MKLN1: variants seen among roughly 807,000 people sequenced by gnomAD.
MKLN1 encodes muskelin 1, also known as muskelin.
In MKLN1, 18 loss-of-function variants were observed where a neutral mutation model predicts 99.0. The observed-to-expected ratio is 0.18, with a 90% CI of 0.13 to 0.27. MKLN1 has a LOEUF of 0.27. MKLN1 is among the 10% of genes least tolerant of loss of function. The probability of loss-of-function intolerance (pLI) is 1.00; values close to 1 mark genes in which losing one functional copy is unlikely to be tolerated. For missense variants in MKLN1, 621 were observed against 875.9 expected (o/e 0.71, Z 3.67); for synonymous variants, 288 against 293.2 (o/e 0.98, Z 0.18).
intron 2 of MKLN1, among the ~76,000 whole-genome samples, chr7:131,202,216 G>GGC (rs1393117350): frequency 8.0e-6 from 1 of 124,272 alleles, no homozygotes; most frequent in Non-Finnish European, 1.6e-5. Context: ...CTGGAGAGCA[G>GGC]TGATGTGATC....
chr7:131,277,287 A>ATT (rs760386545), intron 3 of MKLN1, among the ~76,000 whole-genome samples: 8 of 144,072 alleles, frequency 5.6e-5, no homozygotes, highest in African/African-American at 1.5e-4. Context: ...TCAATTGTGC[A>ATT]TTTTTTTTTT....
chr7:131,253,482 C>T (rs1020014581), intron 3 of MKLN1, among the ~76,000 whole-genome samples: 4 of 152,286 alleles, frequency 2.6e-5, no homozygotes, highest in African/African-American at 9.6e-5. Flanking sequence ...CCCCCAGATA[C>T]AGTAGGTTGA....
chr7:131,475,499 G>A (rs1796938358), intron 16 of MKLN1, among the ~76,000 whole-genome samples: 1 of 152,140 alleles, frequency 6.6e-6, no homozygotes, highest in African/African-American at 2.4e-5. Flanking sequence ...CCTTTTATAA[G>A]CCAGGTTAAC....
intron 3 of MKLN1, among the ~76,000 whole-genome samples, chr7:131,261,214 A>G (rs1483481447): frequency 6.6e-6 from 1 of 152,236 alleles, no homozygotes; most frequent in African/African-American, 2.4e-5. Context: ...GACAACCTAC[A>G]GAATGAGAGA....
intron 1 of MKLN1, among the ~76,000 whole-genome samples, chr7:131,360,847 T>C (rs1800008946): frequency 6.6e-6 from 1 of 152,176 alleles, no homozygotes; most frequent in East Asian, 1.9e-4. Context: ...AACAAATTCC[T>C]TTAGTTTTTG....
intron 1 of MKLN1, among the ~76,000 whole-genome samples, chr7:131,368,597 G>C (rs867659328): frequency 1.3e-5 from 2 of 152,090 alleles, no homozygotes; most frequent in South Asian, 4.1e-4. Flanking sequence ...TAAAACATCA[G>C]ATCTTGTGAG....
At chr7:131,145,199 C>G (rs190166721) in intron 2 of MKLN1, among the ~76,000 whole-genome samples, 1 of 152,236 alleles carries the variant, frequency 6.6e-6, no homozygotes, top group East Asian at 1.9e-4. Flanking sequence ...TCTCCCCACC[C>G]CCAATCCTGA....
intron 3 of MKLN1, among the ~76,000 whole-genome samples, chr7:131,287,814 C>G (rs1798155320): frequency 1.3e-5 from 2 of 151,912 alleles, no homozygotes; most frequent in African/African-American, 4.8e-5. Context: ...GGGGGAGGTT[C>G]CCCCCATGCT....
chr7:131,307,541 G>T (rs1313366623), intron 3 of MKLN1, among the ~76,000 whole-genome samples: 1 of 152,218 alleles, frequency 6.6e-6, no homozygotes, highest in Admixed American at 6.5e-5. Flanking sequence ...AGTTACCTAA[G>T]GCCTTGGGAG....
At chr7:131,197,575 G>A (rs1402121445) in intron 2 of MKLN1, among the ~76,000 whole-genome samples, 2 of 151,710 alleles carry the variant, frequency 1.3e-5, no homozygotes, top group South Asian at 4.2e-4. Context: ...AGATGAACTT[G>A]AGAGGTCTCC....
intron 3 of MKLN1, among the ~76,000 whole-genome samples, chr7:131,247,247 T>TG (rs1196910714): frequency 1.4e-5 from 2 of 142,018 alleles, no homozygotes; most frequent in Non-Finnish European, 3.1e-5. Flanking sequence ...TTTTTTTTTT[T>TG]TTGTCACCAT....
intron 3 of MKLN1, among the ~76,000 whole-genome samples, chr7:131,303,342 G>A (rs1442158667): frequency 2.0e-5 from 3 of 152,244 alleles, no homozygotes; most frequent in African/African-American, 7.2e-5. Context: ...CATACCTGAA[G>A]CCAGCCTCAG....
intron 2 of MKLN1, among the ~76,000 whole-genome samples, chr7:131,174,565 G>A (rs1217526570): frequency 6.6e-6 from 1 of 152,102 alleles, no homozygotes; most frequent in African/African-American, 2.4e-5. Flanking sequence ...CCCGACATGA[G>A]GTGAGGGCAG....
intron 1 of MKLN1, among the ~76,000 whole-genome samples, chr7:131,332,308 A>G (rs1362972637): frequency 3.4e-5 from 5 of 148,690 alleles, no homozygotes; most frequent in Non-Finnish European, 7.4e-5. Flanking sequence ...TTTTTATTAC[A>G]TAAAATATAT....
At chr7:131,406,314 A>T (rs1004547343) in intron 6 of MKLN1, among the ~76,000 whole-genome samples, 1 of 151,802 alleles carries the variant, frequency 6.6e-6, no homozygotes, top group Non-Finnish European at 1.5e-5. Flanking sequence ...TATTTTATTA[A>T]TAAATCATTT....
intron 3 of MKLN1, among the ~76,000 whole-genome samples, chr7:131,313,693 T>C (rs1798611498): frequency 6.6e-6 from 1 of 152,258 alleles, no homozygotes; most frequent in Non-Finnish European, 1.5e-5. Context: ...CACAGGAATC[T>C]ATCATTGGAT....
chr7:131,283,801 T>C (rs1362483417), intron 3 of MKLN1, among the ~76,000 whole-genome samples: 2 of 152,206 alleles, frequency 1.3e-5, no homozygotes, highest in Non-Finnish European at 2.9e-5. Context: ...TGAGTGTCCT[T>C]CCCACATGTT....
chr7:131,338,617 ATCTT>A (rs778654570), intron 1 of MKLN1, among the ~76,000 whole-genome samples: 4 of 152,176 alleles, frequency 2.6e-5, no homozygotes, highest in Non-Finnish European at 5.9e-5. Flanking sequence ...AAAAGCAGAA[ATCTT>A]TCTGTGTTTA....
chr7:131,209,954 T>G (rs974027387), intron 3 of MKLN1, among the ~76,000 whole-genome samples: 2 of 151,870 alleles, frequency 1.3e-5, no homozygotes, highest in Non-Finnish European at 2.9e-5. Context: ...GAAAAAAAAA[T>G]TTACCTGATT....
Sources: allele counts gnomAD v4.1 joint callset (sites outside exome capture counted in the v4.1 genomes callset), GRCh38; gene constraint gnomAD v4.1.1; transcripts MANE v1.5; gene names NCBI Gene and HGNC (gene_info 2026-07-23, HGNC 2026-07-21).